WWC2: variants seen among roughly 807,000 people sequenced by gnomAD.
WWC2 encodes the protein WW and C2 domain containing 2, also known as protein WWC2.
A neutral mutation model predicts 138.5 loss-of-function variants in WWC2; 101 were observed. That is an observed-to-expected ratio of 0.73 (90% CI 0.62 to 0.86). The LOEUF (loss-of-function observed/expected upper bound fraction) is 0.86. WWC2 is among the 40% of genes least tolerant of loss of function. The pLI is 0.00. For missense variants in WWC2, 1,420 were observed against 1,419.4 expected (o/e 1.00, Z -0.01); for synonymous variants, 558 against 538.4 (o/e 1.04, Z -0.50).
chr4:183,182,896 A>G (rs1216168569), intron 1 of WWC2, among the ~76,000 whole-genome samples: 1 of 152,252 alleles, frequency 6.6e-6, no homozygotes, highest in Admixed American at 6.5e-5. Context: ...GAAAGAATAA[A>G]TTACAACCCT....
At chr4:183,252,240 T>C (rs1205419867) in intron 8 of WWC2, among the ~76,000 whole-genome samples, 2 of 152,252 alleles carry the variant, frequency 1.3e-5, no homozygotes, top group Non-Finnish European at 2.9e-5. Context: ...GTTTTTCGTA[T>C]TTTGGTGTGT....
chr4:183,154,002 CAAAAAAAAAAAA>C (rs35002790), intron 1 of WWC2, among the ~76,000 whole-genome samples: 1 of 71,650 alleles, frequency 1.4e-5, no homozygotes, highest in African/African-American at 5.8e-5. Flanking sequence ...CTTTAAAAAG[CAAAAAAAAAAAA>C]AAAAAAAAAA....
intron 1 of WWC2, among the ~76,000 whole-genome samples, chr4:183,112,584 G>T (rs1732269723): frequency 6.6e-6 from 1 of 152,152 alleles, no homozygotes; most frequent in Admixed American, 6.5e-5. Flanking sequence ...ACATTTATTG[G>T]AAACACTATA....
intron 8 of WWC2, 91 bp downstream of exon 8, chr4:183,250,084 C>A (rs1580109088): frequency 7.7e-6 from 9 of 1,174,396 alleles, no homozygotes; most frequent in Non-Finnish European, 1.1e-5. Flanking sequence ...GCTGGGCACT[C>A]CCCATACATT....
At chr4:183,226,996 C>G (rs779472344) in intron 4 of WWC2, among the ~76,000 whole-genome samples, 1 of 151,994 alleles carries the variant, frequency 6.6e-6, no homozygotes, top group African/African-American at 2.4e-5. Flanking sequence ...GTGTCCCTTT[C>G]TTGGTCTCAT....
intron 9 of WWC2, among the ~76,000 whole-genome samples, chr4:183,258,332 T>G (rs1737215761): frequency 6.6e-6 from 1 of 152,194 alleles, no homozygotes; most frequent in South Asian, 2.1e-4. Context: ...AGCCATGAAT[T>G]AAGAATTTAT....
chr4:183,161,603 A>G (rs917857316), intron 1 of WWC2, among the ~76,000 whole-genome samples: 2 of 152,188 alleles, frequency 1.3e-5, no homozygotes, highest in Admixed American at 1.3e-4. Flanking sequence ...CTGCATATAT[A>G]ACAGTGGTCC....
chr4:183,260,295 G>A (rs1473462814), intron 10 of WWC2, among the ~76,000 whole-genome samples: 3 of 151,954 alleles, frequency 2.0e-5, no homozygotes, highest in African/African-American at 4.8e-5. Flanking sequence ...CTTATCAACA[G>A]GTATTTGATT....
At chr4:183,229,051 G>A (rs1185641383) in intron 4 of WWC2, among the ~76,000 whole-genome samples, 1 of 152,030 alleles carries the variant, frequency 6.6e-6, no homozygotes, top group Non-Finnish European at 1.5e-5. Flanking sequence ...TTACTTTTAG[G>A]GAAAAGGGAA....
chr4:183,125,091 A>C (rs1732720699), intron 1 of WWC2, among the ~76,000 whole-genome samples: 1 of 152,130 alleles, frequency 6.6e-6, no homozygotes, highest in Non-Finnish European at 1.5e-5. Context: ...TGCAGGAATA[A>C]GGGCTGGAGT....
intron 1 of WWC2, among the ~76,000 whole-genome samples, chr4:183,172,645 C>T (rs1411447184): frequency 2.7e-5 from 4 of 149,510 alleles, no homozygotes; most frequent in African/African-American, 9.9e-5. Flanking sequence ...TTGTTTTTGC[C>T]CTCATGTTCT....
chr4:183,151,553 G>A (rs1247757588), intron 1 of WWC2, among the ~76,000 whole-genome samples: 33 of 152,020 alleles, frequency 2.2e-4, no homozygotes, highest in Admixed American at 3.3e-4. Flanking sequence ...GTTAGATCCC[G>A]TTTGTCAATT....
In WWC2 at chr4:183,316,417, G is replaced by C. The variant is rs529964570; in HGVS notation, c.*688G>C. 11 of 152,226 alleles carry C rather than the reference G, an allele frequency of 7.2e-5. No homozygotes were observed. Among genetic ancestry groups the C allele is most frequent in the Non-Finnish European group, 1.3e-4 (9 of 68,046 alleles). 9.4% of individuals were successfully genotyped at this position (152,226 alleles called of 1,614,324 possible). On this transcript the variant is annotated 3_prime_UTR_variant, in exon 23 of 23. Coordinates refer to ENST00000403733, the MANE Select transcript of WWC2 (RefSeq NM_024949.6). Reference sequence around the variant, plus strand: ...GAGCACTACTCTTGGCTACACGAAAGATCTTGGGATTCATGACACTGAGGG... The same window carrying C: ...GAGCACTACTCTTGGCTACACGAAACATCTTGGGATTCATGACACTGAGGG...
chr4:183,232,658 AT>A (rs886197434), intron 4 of WWC2, among the ~76,000 whole-genome samples: 4 of 151,990 alleles, frequency 2.6e-5, no homozygotes, highest in African/African-American at 9.7e-5. Flanking sequence ...GTTTTATTTT[AT>A]TTTTTTGAGA....
chr4:183,220,370 A>G (rs984799536), intron 4 of WWC2, among the ~76,000 whole-genome samples: 8 of 152,294 alleles, frequency 5.3e-5, no homozygotes, highest in South Asian at 4.2e-4. Context: ...ATAGCAGGCC[A>G]TGTGCAGTCT....
At chr4:183,133,654 G>A (rs1009778699) in intron 1 of WWC2, among the ~76,000 whole-genome samples, 42 of 151,962 alleles carry the variant, frequency 2.8e-4, no homozygotes, top group African/African-American at 8.7e-4. Flanking sequence ...CCACCACCAC[G>A]CCCAGCTAAT....
intron 4 of WWC2, 24 bp from the exon 5 acceptor site, chr4:183,240,159 G>A: frequency 6.6e-7 from 1 of 1,507,676 alleles, no homozygotes; most frequent in Non-Finnish European, 8.9e-7. Flanking sequence ...AAACATTAAT[G>A]TTTATGTTGA....
chr4:183,199,104 A>G (rs1735227932), intron 2 of WWC2, among the ~76,000 whole-genome samples: 1 of 152,184 alleles, frequency 6.6e-6, no homozygotes. Flanking sequence ...ACCAGGCTGG[A>G]GAAAAAGACG....
chr4:183,247,570 T>TCTATATA (rs1042614438), intron 6 of WWC2, among the ~76,000 whole-genome samples: 2 of 141,766 alleles, frequency 1.4e-5, no homozygotes, highest in African/African-American at 5.3e-5. Context: ...CTATATATGC[T>TCTATATA]CTATATACTA....
Sources: allele counts gnomAD v4.1 joint callset (sites outside exome capture counted in the v4.1 genomes callset), GRCh38; gene constraint gnomAD v4.1.1; transcripts MANE v1.5; gene names NCBI Gene and HGNC (gene_info 2026-07-23, HGNC 2026-07-21).